Variants in PCDHGB2 observed in about 807,000 individuals in gnomAD.
PCDHGB2 encodes the protein protocadherin gamma-B2.
PCDHGB2 carries 55 observed loss-of-function variants against 59.3 expected under a neutral mutation model. The observed-to-expected ratio is 0.93, with a 90% CI of 0.75 to 1.16. The LOEUF is 1.16. Among genes scored for constraint, PCDHGB2 ranks in the 50% most tolerant of loss-of-function variants. The probability of loss-of-function intolerance (pLI) is 0.00; values close to 1 mark genes in which losing one functional copy is unlikely to be tolerated. For synonymous variants in PCDHGB2, 516 were observed against 512.0 expected (o/e 1.01, Z -0.11); for missense variants, 1,228 against 1,198.5 (o/e 1.02, Z -0.36).
chr5:141,433,162 A>G, intron 1 of PCDHGB2: 1 of 1,613,890 alleles, frequency 6.2e-7, no homozygotes, highest in Non-Finnish European at 8.5e-7. Flanking sequence ...TATTTTCTAA[A>G]GACAGTCATG....
intron 1 of PCDHGB2, chr5:141,392,075 TG>T (rs2092461871): frequency 6.6e-6 from 1 of 152,236 alleles, no homozygotes. Context: ...GTAATTCAAG[TG>T]GCATTTAGAA....
intron 1 of PCDHGB2, chr5:141,409,483 G>C: frequency 6.2e-7 from 1 of 1,613,944 alleles, no homozygotes; most frequent in Non-Finnish European, 8.5e-7. Context: ...CCACTGACAG[G>C]GGCAAGCCGC....
intron 1 of PCDHGB2, chr5:141,366,265 C>G (rs756734800): frequency 6.2e-7 from 1 of 1,613,566 alleles, no homozygotes; most frequent in Non-Finnish European, 8.5e-7. Context: ...TCGTGGTGGC[C>G]GTCGAAGACC....
chr5:141,476,754 T>G lies in PCDHGB2; in HGVS notation c.2422-18053T>G. 1 of 1,613,926 alleles carries G rather than the reference T, an allele frequency of 6.2e-7. No individual in the cohort carries two copies. The highest frequency in any genetic ancestry group is 1.1e-5 in the South Asian group (1 of 91,084). On this transcript the variant is annotated intron_variant, in intron 1 of 3. Coordinates refer to ENST00000522605, the MANE Select transcript of PCDHGB2 (RefSeq NM_018923.3). The surrounding 1 kb of genome is among the most constrained non-coding windows in gnomAD (Gnocchi z 7.6). Reference sequence around the variant, plus strand: ...GAACGGGAGCCTAGTCTCCAGTTAGTGCTGACGGCGTTGGACGGAGGGACC... The same window carrying G: ...GAACGGGAGCCTAGTCTCCAGTTAGGGCTGACGGCGTTGGACGGAGGGACC...
At position 141,511,411 on chromosome 5, in the gene PCDHGB2, A is replaced by G; in HGVS notation, c.*238A>G. On this transcript the variant is annotated 3_prime_UTR_variant, in exon 4 of 4. Coordinates refer to ENST00000522605, the MANE Select transcript of PCDHGB2 (RefSeq NM_018923.3). ...GAACCCCCATCCAATCAACTGCTGT[A>G]CCCATGGGGGTAGTGGGGTTACTGT... The G allele has an allele frequency of 1.1e-6, 1 of 901,334 alleles. No homozygotes were observed. Among genetic ancestry groups the G allele is most frequent in the Non-Finnish European group, 1.6e-6 (1 of 617,750 alleles). The allele number at this position is 901,334 out of a possible 1,614,324, so 55.8% of individuals were successfully genotyped here. A position where few individuals can be genotyped will look rare whatever the true frequency, so the allele number is the denominator to read the frequency against.
At chr5:141,433,034 C>T in intron 1 of PCDHGB2, 1 of 1,614,184 alleles carries the variant, frequency 6.2e-7, no homozygotes. Flanking sequence ...CGAGGTTTCC[C>T]TCACCACGGA....
Position 141,420,738 on chromosome 5 carries a change from T to C in PCDHGB2, c.2421+58182T>C, listed in dbSNP as rs550966989. 1.5e-4 allele frequency among the ~76,000 whole-genome samples: 23 copies of C among 152,358 alleles called. 1 individual carries two copies. In the South Asian group the frequency reaches 4.6e-3, roughly 30 times the overall value. ...GTTCCTTTCAGTCGGTTAAAATCAA[T>C]TGGAACCAACTACAACCTACAAGTT... On this transcript the variant is annotated intron_variant, in intron 1 of 3. Transcript: ENST00000522605.
chr5:141,501,331 A>T (rs1024837974), intron 2 of PCDHGB2, among the ~76,000 whole-genome samples: 2 of 138,846 alleles, frequency 1.4e-5, no homozygotes, highest in Non-Finnish European at 1.6e-5. Flanking sequence ...ACACACACAC[A>T]CACCCCAAAC....
chr5:141,464,583 C>T (rs768431243), intron 1 of PCDHGB2, among the ~76,000 whole-genome samples: 6 of 152,024 alleles, frequency 3.9e-5, no homozygotes, highest in Admixed American at 2.0e-4. Context: ...TGAGAATGTC[C>T]ATTGTCCCAT....
chr5:141,418,069 G>T, intron 1 of PCDHGB2: 4 of 1,614,042 alleles, frequency 2.5e-6, no homozygotes, highest in South Asian at 2.2e-5. Flanking sequence ...GAGTGAGCGC[G>T]GAGAAGCTGC....
chr5:141,376,590 G>T, intron 1 of PCDHGB2: 3 of 1,570,160 alleles, frequency 1.9e-6, no homozygotes, highest in Non-Finnish European at 1.7e-6. Flanking sequence ...CAGCTAGATC[G>T]GCTGTTATAG....
At position 141,399,853 on chromosome 5, in the gene PCDHGB2, C is replaced by T. The variant is rs530551805; in HGVS notation, c.2421+37297C>T. 48 of 1,612,978 alleles carry T rather than the reference C, an allele frequency of 3.0e-5. 1 individual carries two copies. In the East Asian group the frequency reaches 9.4e-4, roughly 31 times the overall value. On this transcript the variant is annotated intron_variant, in intron 1 of 3. Transcript: ENST00000522605. ...CTCTGCGCTCTTCGATATGGTGCCGCGCGCTGCAGAGCCCGGCTACCTGGT... is the reference window on the plus strand; with the variant it reads ...CTCTGCGCTCTTCGATATGGTGCCGTGCGCTGCAGAGCCCGGCTACCTGGT...
At chr5:141,403,672 G>A in intron 1 of PCDHGB2, 1 of 1,613,846 alleles carries the variant, frequency 6.2e-7, no homozygotes, top group Non-Finnish European at 8.5e-7. Context: ...ATAATGCCCC[G>A]GTTTTTGCTC....
At chr5:141,380,617 C>T (rs1024348906) in intron 1 of PCDHGB2, among the ~76,000 whole-genome samples, 3 of 152,156 alleles carry the variant, frequency 2.0e-5, no homozygotes, top group Admixed American at 6.5e-5. Context: ...TTATGATGTT[C>T]GATAACTTAG....
At chr5:141,444,834 A>G (rs892892307) in intron 1 of PCDHGB2, among the ~76,000 whole-genome samples, 1 of 152,132 alleles carries the variant, frequency 6.6e-6, no homozygotes, top group African/African-American at 2.4e-5. Context: ...TTGTAGCTTT[A>G]TAGTAAGTCT....
At chr5:141,370,009 A>G (rs1310003326) in intron 1 of PCDHGB2, among the ~76,000 whole-genome samples, 1 of 152,282 alleles carries the variant, frequency 6.6e-6, no homozygotes, top group Non-Finnish European at 1.5e-5. Flanking sequence ...ATTAAAAGAA[A>G]TAACAGACTA....
intron 1 of PCDHGB2, among the ~76,000 whole-genome samples, chr5:141,442,810 T>C (rs2098345227): frequency 6.6e-6 from 1 of 152,222 alleles, no homozygotes; most frequent in Non-Finnish European, 1.5e-5. Context: ...ATTCAAATTG[T>C]ACTGATCCAA....
chr5:141,482,404 A>C (rs1262544355), intron 1 of PCDHGB2, among the ~76,000 whole-genome samples: 1 of 152,076 alleles, frequency 6.6e-6, no homozygotes, highest in Non-Finnish European at 1.5e-5. Flanking sequence ...GTACTCAATA[A>C]CTATTTGTTG....
chr5:141,367,367 T>G (rs947999999), intron 1 of PCDHGB2: 3 of 151,876 alleles, frequency 2.0e-5, no homozygotes, highest in African/African-American at 7.3e-5. Flanking sequence ...TGAAACCCTG[T>G]TCTACTAAAA....
Sources: allele counts gnomAD v4.1 joint callset (sites outside exome capture counted in the v4.1 genomes callset), GRCh38; gene constraint gnomAD v4.1.1; non-coding constraint Gnocchi (gnomAD v3.1); transcripts MANE v1.5; gene names NCBI Gene and HGNC (gene_info 2026-07-23, HGNC 2026-07-21).